Variants in ADGRL3 observed in about 807,000 individuals in gnomAD.
ADGRL3 encodes the protein adhesion G protein-coupled receptor L3, also known as calcium-independent alpha-latrotoxin receptor 3.
ADGRL3 carries 62 observed loss-of-function variants against 153.5 expected under a neutral mutation model. The ratio of observed to expected loss-of-function variants is 0.40; its 90% CI spans 0.33 to 0.50. The LOEUF (loss-of-function observed/expected upper bound fraction) is 0.50. Among genes scored for constraint, ADGRL3 ranks in the 20% least tolerant of loss-of-function variants. ADGRL3 has a pLI of 0.47. For synonymous variants in ADGRL3, 710 were observed against 672.5 expected, an observed-to-expected ratio of 1.06 and a Z score of -0.86; for missense variants, 1,641 against 1,859.4, an observed-to-expected ratio of 0.88 and a Z score of 2.16.
chr4:61,462,863 C>T (rs1162430446), intron 2 of ADGRL3, among the ~76,000 whole-genome samples: 4 of 152,090 alleles, frequency 2.6e-5, no homozygotes, highest in African/African-American at 9.7e-5. Context: ...AGCTAAATAG[C>T]CCAATCCCTG....
intron 9 of ADGRL3, among the ~76,000 whole-genome samples, chr4:61,847,595 TATA>T (rs2098132172): frequency 1.2e-5 from 1 of 85,360 alleles, no homozygotes; most frequent in African/African-American, 5.2e-5. Flanking sequence ...TGTATATATA[TATA>T]ATATATAATA....
intron 6 of ADGRL3, among the ~76,000 whole-genome samples, chr4:61,677,618 C>G (rs553351801): frequency 3.9e-5 from 6 of 152,076 alleles, no homozygotes; most frequent in Admixed American, 3.9e-4. Flanking sequence ...ATTTTTATAT[C>G]TAACTCGTTA....
At chr4:61,306,410 C>T (rs2150427209) in intron 1 of ADGRL3, among the ~76,000 whole-genome samples, 1 of 152,226 alleles carries the variant, frequency 6.6e-6, no homozygotes, top group East Asian at 1.9e-4. Flanking sequence ...GAACTTCTAA[C>T]TGTGGGCTTC....
At chr4:61,328,710 T>C (rs1185049332) in intron 1 of ADGRL3, among the ~76,000 whole-genome samples, 5 of 152,170 alleles carry the variant, frequency 3.3e-5, no homozygotes, top group African/African-American at 1.2e-4. Context: ...TATTTAATTT[T>C]CAAAGTAGAG....
At chr4:61,757,696 C>A (rs1420314460) in intron 8 of ADGRL3, among the ~76,000 whole-genome samples, 28 of 152,102 alleles carry the variant, frequency 1.8e-4, no homozygotes. Flanking sequence ...TTCTCTAGTT[C>A]TTTTAATTGT....
chr4:61,620,634 CTTTTTTT>C (rs71664993), intron 5 of ADGRL3, among the ~76,000 whole-genome samples: 3 of 69,704 alleles, frequency 4.3e-5, no homozygotes, highest in Non-Finnish European at 7.6e-5. Flanking sequence ...TAAATTGTGA[CTTTTTTT>C]TTTTTTTTTT....
At chr4:61,653,700 A>G (rs1359602468) in intron 5 of ADGRL3, among the ~76,000 whole-genome samples, 1 of 152,144 alleles carries the variant, frequency 6.6e-6, no homozygotes, top group Non-Finnish European at 1.5e-5. Context: ...AACCTTTCAA[A>G]CAGAGTTTTA....
intron 1 of ADGRL3, among the ~76,000 whole-genome samples, chr4:61,354,044 T>G (rs2096111859): frequency 6.6e-6 from 1 of 152,302 alleles, no homozygotes; most frequent in South Asian, 2.1e-4. Context: ...CATCTATAAA[T>G]AATAACTCTA....
intron 4 of ADGRL3, among the ~76,000 whole-genome samples, chr4:61,565,448 A>C (rs143360989): frequency 2.0e-5 from 3 of 152,304 alleles, no homozygotes; most frequent in Non-Finnish European, 2.9e-5. Context: ...TAACTGACAA[A>C]AATTGGAACT....
chr4:61,864,174 T>A (rs2098378110), intron 9 of ADGRL3, among the ~76,000 whole-genome samples: 1 of 152,188 alleles, frequency 6.6e-6, no homozygotes, highest in African/African-American at 2.4e-5. Context: ...AACTTCTTAG[T>A]TTTAAAAGCT....
Position 61,340,098 on chromosome 4 carries a change from A to G in ADGRL3, c.-239-43026A>G, listed in dbSNP as rs556174525. Among the ~76,000 whole-genome samples the G allele has an allele frequency of 2.6e-5, 4 of 152,316 alleles. No individual in the cohort carries two copies. The South Asian group carries it at 8.3e-4, about 32-fold the overall frequency. ...CATAAAGTATTTCATCTGAGGATGCAGCACTTTATTTTGGCAGCTGTGATG... is the reference window on the plus strand; with the variant it reads ...CATAAAGTATTTCATCTGAGGATGCGGCACTTTATTTTGGCAGCTGTGATG... On this transcript the variant is annotated intron_variant, in intron 1 of 26. Coordinates refer to ENST00000683033, the MANE Select transcript of ADGRL3 (RefSeq NM_001387552.1).
intron 1 of ADGRL3, among the ~76,000 whole-genome samples, chr4:61,342,442 T>C (rs1290556532): frequency 6.6e-6 from 1 of 152,122 alleles, no homozygotes; most frequent in Non-Finnish European, 1.5e-5. Flanking sequence ...ACAGATACAA[T>C]TCTTTTATGC....
intron 21 of ADGRL3, among the ~76,000 whole-genome samples, chr4:62,003,189 C>T (rs748269920): frequency 2.6e-5 from 4 of 152,096 alleles, no homozygotes; most frequent in East Asian, 1.9e-4. Flanking sequence ...CGTCCCTTTG[C>T]GCCTTCTCAT....
chr4:61,416,623 A>G (rs2097147619), intron 2 of ADGRL3, among the ~76,000 whole-genome samples: 1 of 152,168 alleles, frequency 6.6e-6, no homozygotes. Context: ...CATGCATATG[A>G]TCAGTGGATT....
chr4:61,758,022 A>C (rs1429482314), intron 8 of ADGRL3, among the ~76,000 whole-genome samples: 1 of 152,158 alleles, frequency 6.6e-6, no homozygotes, highest in Non-Finnish European at 1.5e-5. Context: ...ACATTTGCTG[A>C]GGAGTGCTTT....
intron 21 of ADGRL3, among the ~76,000 whole-genome samples, chr4:62,019,392 G>A (rs1256651126): frequency 6.6e-6 from 1 of 151,986 alleles, no homozygotes; most frequent in Non-Finnish European, 1.5e-5. Context: ...TCATCAGAGA[G>A]TAAACTCCAA....
intron 8 of ADGRL3, among the ~76,000 whole-genome samples, chr4:61,770,787 G>A (rs1041635027): frequency 2.0e-5 from 3 of 152,070 alleles, no homozygotes; most frequent in African/African-American, 4.8e-5. Context: ...ACTTCATATC[G>A]GAGAACATAT....
At position 61,519,726 on chromosome 4, in the gene ADGRL3, G is replaced by T. The variant is rs183402815; in HGVS notation, c.259+2208G>T. ...TATCTTGAGCTCTTTAAATTGAAAA[G>T]ACATGGAGGAATTTGAACAAGAAAA... is the stretch of plus-strand genomic sequence containing the variant. On this transcript the variant is annotated intron_variant, in intron 4 of 26. Coordinates refer to ENST00000683033, the MANE Select transcript of ADGRL3 (RefSeq NM_001387552.1). Among the ~76,000 whole-genome samples, 155 of 152,232 alleles carry T rather than the reference G, an allele frequency of 1.0e-3. 1 individual carries two copies. In the Middle Eastern group the frequency reaches 0.024, roughly 23 times the overall value.
chr4:61,914,993 A>G (rs1383762211), intron 13 of ADGRL3, among the ~76,000 whole-genome samples: 3 of 152,070 alleles, frequency 2.0e-5, no homozygotes, highest in Admixed American at 2.0e-4. Flanking sequence ...TGAAAAAAAT[A>G]TTATTTTATT....
Sources: allele counts gnomAD v4.1 joint callset (sites outside exome capture counted in the v4.1 genomes callset), GRCh38; gene constraint gnomAD v4.1.1; transcripts MANE v1.5; gene names NCBI Gene and HGNC (gene_info 2026-07-23, HGNC 2026-07-21).